Variants in SERPINI1 observed in about 807,000 individuals in gnomAD.
SERPINI1 encodes serpin family I member 1.
Under a neutral mutation model 41.1 loss-of-function variants are expected in SERPINI1, and 19 were observed. The ratio of observed to expected loss-of-function variants is 0.46; its 90% CI spans 0.32 to 0.68. The LOEUF is 0.68. SERPINI1 is among the 30% of genes least tolerant of loss of function. SERPINI1 has a pLI of 0.03. For missense variants in SERPINI1, 460 were observed against 479.2 expected, an observed-to-expected ratio of 0.96 and a Z score of 0.37; for synonymous variants, 138 against 156.6, an observed-to-expected ratio of 0.88 and a Z score of 0.89.
At chr3:167,764,157 C>T (rs1726481263) in intron 1 of SERPINI1, among the ~76,000 whole-genome samples, 1 of 152,122 alleles carries the variant, frequency 6.6e-6, no homozygotes, top group Non-Finnish European at 1.5e-5. Context: ...AGAAAACTGA[C>T]CACAGAGAGC....
At chr3:167,739,472 C>T (rs1262358002) in intron 1 of SERPINI1, among the ~76,000 whole-genome samples, 1 of 152,204 alleles carries the variant, frequency 6.6e-6, no homozygotes, top group Non-Finnish European at 1.5e-5. Context: ...TGGATTCACA[C>T]TGTGTGCGCT....
intron 3 of SERPINI1, 47 bp from the exon 4 acceptor site, chr3:167,792,543 C>G: frequency 6.5e-7 from 1 of 1,532,412 alleles, no homozygotes. Context: ...CCCCCTTGAT[C>G]TTCCAGTTTA....
At chr3:167,768,661 T>A (rs1235369945) in intron 1 of SERPINI1, among the ~76,000 whole-genome samples, 1 of 152,218 alleles carries the variant, frequency 6.6e-6, no homozygotes, top group East Asian at 1.9e-4. Context: ...AAATGTATCC[T>A]GTTGAATATT....
At chr3:167,817,628 T>C (rs114662624) in intron 6 of SERPINI1, among the ~76,000 whole-genome samples, 20,250 of 152,040 alleles carry the variant, frequency 0.13, 1,449 homozygotes, top group Non-Finnish European at 0.17. Flanking sequence ...GACAGAGTCA[T>C]GCACTGTCGC....
intron 1 of SERPINI1, among the ~76,000 whole-genome samples, chr3:167,739,960 A>G (rs1322800957): frequency 1.3e-5 from 2 of 151,204 alleles, no homozygotes; most frequent in African/African-American, 4.9e-5. Context: ...GTTTACTTTT[A>G]CCTTCATGTT....
At chr3:167,739,943 A>G (rs1725619812) in intron 1 of SERPINI1, among the ~76,000 whole-genome samples, 1 of 151,516 alleles carries the variant, frequency 6.6e-6, no homozygotes, top group African/African-American at 2.4e-5. Flanking sequence ...ATATTTAACT[A>G]TCTTCTGTTT....
At chr3:167,772,901 C>T (rs1463286378) in intron 1 of SERPINI1, among the ~76,000 whole-genome samples, 5,611 of 54,280 alleles carry the variant, frequency 0.1, 177 homozygotes, top group African/African-American at 0.16. Flanking sequence ...TATACACACA[C>T]ACACACACAC....
chr3:167,815,112 C>G (rs6785838), intron 6 of SERPINI1, among the ~76,000 whole-genome samples: 40,830 of 151,842 alleles, frequency 0.27, 6,408 homozygotes, highest in African/African-American at 0.44. Flanking sequence ...AGGTGTTGTG[C>G]ATAAGATAAG....
intron 6 of SERPINI1, among the ~76,000 whole-genome samples, chr3:167,815,625 A>C: frequency 6.6e-6 from 1 of 152,010 alleles, no homozygotes; most frequent in Middle Eastern, 3.2e-3. Context: ...CCTAACCTCA[A>C]GTGATCTGCC....
At chr3:167,818,517 A>G (rs1412908671) in intron 6 of SERPINI1, among the ~76,000 whole-genome samples, 1 of 151,982 alleles carries the variant, frequency 6.6e-6, no homozygotes, top group African/African-American at 2.4e-5. Context: ...ATTCTTGGGT[A>G]TGTTCTTTTT....
chr3:167,796,170 T>C (rs944756041), intron 5 of SERPINI1, among the ~76,000 whole-genome samples: 1 of 152,022 alleles, frequency 6.6e-6, no homozygotes, highest in Non-Finnish European at 1.5e-5. Flanking sequence ...ACTTAGCTGA[T>C]AGTTTGTTAT....
intron 1 of SERPINI1, among the ~76,000 whole-genome samples, chr3:167,745,998 A>T (rs1005338613): frequency 6.6e-6 from 1 of 152,160 alleles, no homozygotes; most frequent in African/African-American, 2.4e-5. Context: ...CCAAATTAAT[A>T]TGCAGATTTA....
chr3:167,773,596 C>T (rs1407871271), intron 1 of SERPINI1, among the ~76,000 whole-genome samples: 1 of 152,100 alleles, frequency 6.6e-6, no homozygotes, highest in East Asian at 1.9e-4. Flanking sequence ...GTTGTTTGCC[C>T]ACACTGCAAT....
chr3:167,792,658 G>A lies in SERPINI1; in HGVS notation c.550G>A (p.Val184Ile). ...AATYLALINA[V>I]YFKGNWKSQF... is the part of the protein sequence containing the mutation. ...CACTTATCTGGCCCTCATTAATGCT[G>A]TCTATTTCAAGGGGAACTGGAAGTC... is the stretch of plus-strand genomic sequence containing the variant. The change falls in exon 4 of 9, where the codon GTC becomes ATC. Residue 184 changes from valine (V) to isoleucine (I), a missense_variant. Val to Ile is a conservative substitution (Grantham distance 29). Transcript: ENST00000446050. 1 of 1,613,732 alleles carries A rather than the reference G, an allele frequency of 6.2e-7. No homozygotes were observed. The highest frequency in any genetic ancestry group is 8.5e-7 in the Non-Finnish European group (1 of 1,179,886).
chr3:167,810,890 T>A (rs1220775417), intron 6 of SERPINI1, among the ~76,000 whole-genome samples: 2 of 152,176 alleles, frequency 1.3e-5, no homozygotes, highest in Non-Finnish European at 2.9e-5. Context: ...CATTTCAACG[T>A]TGTTCGCAGC....
intron 1 of SERPINI1, among the ~76,000 whole-genome samples, chr3:167,739,317 A>G (rs541315807): frequency 1.3e-5 from 2 of 152,328 alleles, no homozygotes; most frequent in South Asian, 4.1e-4. Flanking sequence ...ACATTGGACA[A>G]TACTTCTGTA....
At chr3:167,824,397 A>G (rs1156980498) in intron 7 of SERPINI1, 76 bp from the exon 8 acceptor site, 12 of 1,096,638 alleles carry the variant, frequency 1.1e-5, no homozygotes, top group South Asian at 1.3e-5. Flanking sequence ...GTGGATAGGC[A>G]TAGATGGTTT....
chr3:167,757,508 TCTCACA>T (rs907388490), intron 1 of SERPINI1, among the ~76,000 whole-genome samples: 5 of 151,104 alleles, frequency 3.3e-5, no homozygotes, highest in African/African-American at 1.2e-4. Flanking sequence ...TCTCTCTCTC[TCTCACA>T]CACACACACA....
chr3:167,759,828 A>G (rs1473307007), intron 1 of SERPINI1, among the ~76,000 whole-genome samples: 1 of 152,210 alleles, frequency 6.6e-6, no homozygotes, highest in Non-Finnish European at 1.5e-5. Context: ...AAAAAAAGCC[A>G]TAAATAACAC....
Sources: allele counts gnomAD v4.1 joint callset (sites outside exome capture counted in the v4.1 genomes callset), GRCh38; gene constraint gnomAD v4.1.1; transcripts MANE v1.5; gene names NCBI Gene and HGNC (gene_info 2026-07-23, HGNC 2026-07-21).